The following C1orf94 variants were observed in gnomAD, a reference collection of about 807,000 sequenced individuals.
C1orf94 encodes uncharacterized protein C1orf94.
A neutral mutation model predicts 53.6 loss-of-function variants in C1orf94; 45 were observed. That is an observed-to-expected ratio of 0.84 (90% CI 0.66 to 1.08). C1orf94 has a LOEUF of 1.08. Among genes scored for constraint, C1orf94 ranks in the 50% least tolerant of loss-of-function variants. The probability of loss-of-function intolerance (pLI) is 0.00; values close to 1 mark genes in which losing one functional copy is unlikely to be tolerated. For missense variants in C1orf94, 762 were observed against 738.9 expected (o/e 1.03, Z -0.36); for synonymous variants, 304 against 296.1 (o/e 1.03, Z -0.27).
chr1:34,178,053 G>A lies in C1orf94; in HGVS notation c.264G>A (p.Gln88=), dbSNP rs1375833436. The A allele has an allele frequency of 1.3e-6, 2 of 1,551,632 alleles. No homozygotes were observed. ...EASQPWTSME[Q]LSVPVVGTLR... is the part of the protein sequence containing the mutation. ...CACAGCCCTGGACCTCCATGGAGCA[G>A]CTCTCTGTCCCTGTGGTTGGAACTC... Residue 88 remains glutamine (Q), a synonymous_variant, in exon 1 of 7, where the codon CAG becomes CAA. Transcript: ENST00000488417.
intron 1 of C1orf94, among the ~76,000 whole-genome samples, chr1:34,169,105 C>G (rs1642096781): frequency 7.1e-6 from 1 of 141,658 alleles, no homozygotes; most frequent in South Asian, 2.3e-4. Flanking sequence ...GTGATGTGGC[C>G]TGACATATAC....
chr1:34,195,527 C>A (rs897475536), intron 1 of C1orf94, among the ~76,000 whole-genome samples: 5 of 152,068 alleles, frequency 3.3e-5, no homozygotes, highest in African/African-American at 1.2e-4. Context: ...GTCTTGGCTG[C>A]TGGACTATTG....
intron 1 of C1orf94, among the ~76,000 whole-genome samples, chr1:34,179,731 TTTG>T (rs572201275): frequency 2.6e-5 from 4 of 152,004 alleles, no homozygotes; most frequent in South Asian, 2.1e-4. Context: ...CAGGTTGGGA[TTTG>T]TTGTTGTTGT....
intron 4 of C1orf94, among the ~76,000 whole-genome samples, chr1:34,205,380 A>G (rs1642775553): frequency 6.6e-6 from 1 of 152,240 alleles, no homozygotes; most frequent in Non-Finnish European, 1.5e-5. Flanking sequence ...TCCAGCTTCA[A>G]CATAGCTGAT....
rs373115271 is a variant in C1orf94 at position 34,200,859 on chromosome 1, G to A, written c.1097G>A (p.Gly366Asp). 1 of 1,614,198 alleles carries A rather than the reference G, an allele frequency of 6.2e-7. No individual in the cohort carries two copies. Among genetic ancestry groups the A allele is most frequent in the East Asian group, 2.2e-5 (1 of 44,884 alleles). ...CCCCAGAGCCAGAAGGACGCCTGTG[G>A]TGAGGAGGGTTGCTGTGACGCAGTG... is the stretch of plus-strand genomic sequence containing the variant. ...QWPQSQKDACGEEGCCDAVGT... is the reference protein window; with the variant it reads ...QWPQSQKDACDEEGCCDAVGT... The change falls in exon 3 of 7, where the codon GGT becomes GAT. Residue 366 changes from glycine (G) to aspartate (D), a missense_variant. Coordinates refer to ENST00000488417, the MANE Select transcript of C1orf94 (RefSeq NM_001134734.2).
chr1:34,167,448 T>A (rs1642057222), intron 1 of C1orf94, among the ~76,000 whole-genome samples: 1 of 152,220 alleles, frequency 6.6e-6, no homozygotes, highest in Non-Finnish European at 1.5e-5. Context: ...AGATGAGATT[T>A]ACCCCCAGAA....
chr1:34,185,478 C>T (rs1642371651), intron 1 of C1orf94, among the ~76,000 whole-genome samples: 2 of 152,216 alleles, frequency 1.3e-5, no homozygotes, highest in Non-Finnish European at 2.9e-5. Context: ...TTGCACCCAG[C>T]CTTTCCCTCT....
intron 6 of C1orf94, among the ~76,000 whole-genome samples, chr1:34,217,057 G>A (rs2148624913): frequency 1.3e-5 from 2 of 152,336 alleles, no homozygotes. Context: ...TCCAGCCTGG[G>A]TGACAGAGTA....
chr1:34,188,257 G>T (rs1162533383), intron 1 of C1orf94, among the ~76,000 whole-genome samples: 1 of 152,198 alleles, frequency 6.6e-6, no homozygotes, highest in Non-Finnish European at 1.5e-5. Flanking sequence ...AAAGATAACT[G>T]TCTGGTACAT....
In C1orf94 at chr1:34,197,174, C is replaced by A; in HGVS notation, c.321-51C>A. On this transcript the variant is annotated intron_variant, in intron 1 of 6. Coordinates refer to ENST00000488417, the MANE Select transcript of C1orf94 (RefSeq NM_001134734.2). The surrounding 1 kb of genome is among the most constrained non-coding windows in gnomAD (Gnocchi z 4.1). ...GGGCCTATGTCCTTCTGCAAAGCCA[C>A]GCCTTGGTGAGCTGGCACTAACACC... The A allele has an allele frequency of 6.9e-7, 1 of 1,445,682 alleles. No homozygotes were observed. Among genetic ancestry groups the A allele is most frequent in the Non-Finnish European group, 9.2e-7 (1 of 1,088,460 alleles). The allele number at this position is 1,445,682 out of a possible 1,614,324, so 89.6% of individuals were successfully genotyped here.
chr1:34,167,635 C>T (rs1642064940), intron 1 of C1orf94, among the ~76,000 whole-genome samples: 1 of 43,622 alleles, frequency 2.3e-5, no homozygotes, highest in South Asian at 7.0e-4. Flanking sequence ...GGGCCCTGAG[C>T]GAGGCTGTGC....
chr1:34,193,767 T>C (rs891503239), intron 1 of C1orf94, among the ~76,000 whole-genome samples: 2 of 152,222 alleles, frequency 1.3e-5, no homozygotes, highest in Non-Finnish European at 2.9e-5. Context: ...TGGCCCATAG[T>C]AGGCTCACGG....
chr1:34,170,922 T>C (rs1461463816), intron 1 of C1orf94, among the ~76,000 whole-genome samples: 1 of 152,168 alleles, frequency 6.6e-6, no homozygotes, highest in South Asian at 2.1e-4. Context: ...TCCCAGATTC[T>C]AACCAGAGTC....
chr1:34,213,469 G>T (rs143773294), intron 6 of C1orf94, among the ~76,000 whole-genome samples: 1 of 152,108 alleles, frequency 6.6e-6, no homozygotes, highest in Non-Finnish European at 1.5e-5. Context: ...TAGGGTGCAC[G>T]GAGAATGTTC....
At chr1:34,208,903 C>T (rs767501536) in intron 5 of C1orf94, among the ~76,000 whole-genome samples, 3 of 152,146 alleles carry the variant, frequency 2.0e-5, no homozygotes, top group African/African-American at 4.8e-5. Flanking sequence ...TGGCTTTGCT[C>T]AGCATCAGTG....
At chr1:34,185,368 CAG>C (rs1642369618) in intron 1 of C1orf94, among the ~76,000 whole-genome samples, 1 of 152,068 alleles carries the variant, frequency 6.6e-6, no homozygotes, top group South Asian at 2.1e-4. Flanking sequence ...TTAGTAGAGA[CAG>C]GGTTTCACCA....
At chr1:34,169,596 TGAGAGAGAGAGA>T (rs568952022) in intron 1 of C1orf94, among the ~76,000 whole-genome samples, 1 of 97,550 alleles carries the variant, frequency 1.0e-5, no homozygotes, top group Admixed American at 1.3e-4. Flanking sequence ...CTTCTGAAGC[TGAGAGAGAGAGA>T]GAGAGAGAGA....
At chr1:34,201,072 G>T in intron 3 of C1orf94, 40 bp downstream of exon 3, 5 of 1,551,768 alleles carry the variant, frequency 3.2e-6, no homozygotes, top group Non-Finnish European at 4.4e-6. Context: ...AGGGGAGGGG[G>T]TTGCAGTGAC....
chr1:34,197,893 T>A lies in C1orf94; in HGVS notation c.989T>A (p.Val330Glu). Residue 330 changes from valine to glutamate, a missense_variant, in exon 2 of 7, where the codon GTG becomes GAG. Coordinates refer to ENST00000488417, the MANE Select transcript of C1orf94 (RefSeq NM_001134734.2). This position sits in a 1 kb window ranked among gnomAD's most constrained non-coding sequence, Gnocchi z 4.1. ...ICSKPKADPA[V>E]ERHHLMEWSP... ...TCCAAGCCCAAGGCTGACCCTGCTG[T>A]GGAGAGGCACCACTTGATGGGTGAG... The A allele has an allele frequency of 6.2e-7, 1 of 1,613,780 alleles. No homozygotes were observed. Among genetic ancestry groups the A allele is most frequent in the East Asian group, 2.2e-5 (1 of 44,868 alleles).
Sources: allele counts gnomAD v4.1 joint callset (sites outside exome capture counted in the v4.1 genomes callset), GRCh38; gene constraint gnomAD v4.1.1; non-coding constraint Gnocchi (gnomAD v3.1); transcripts MANE v1.5; gene names NCBI Gene and HGNC (gene_info 2026-07-23, HGNC 2026-07-21).